The following ZNF184 variants were observed in gnomAD, a reference collection of about 807,000 sequenced individuals.
ZNF184 encodes zinc finger protein 184 (Kruppel-like).
ZNF184 carries 16 observed loss-of-function variants against 54.4 expected under a neutral mutation model. That is an observed-to-expected ratio of 0.29 (90% CI 0.20 to 0.45). The LOEUF (loss-of-function observed/expected upper bound fraction) is 0.45, where lower values mean the gene tolerates loss of function less well. ZNF184 is among the 20% of genes least tolerant of loss of function. ZNF184 has a pLI of 1.00. For synonymous variants in ZNF184, 254 were observed against 295.3 expected (o/e 0.86, Z 1.43); for missense variants, 681 against 888.2 (o/e 0.77, Z 2.97).
chr6:27,429,098 T>C, the ZNF184 span, among the ~76,000 whole-genome samples: 1 of 152,206 alleles, frequency 6.6e-6, no homozygotes, highest in Admixed American at 6.5e-5. Context: ...AGCTAAGTCA[T>C]AAAAGGTGTT....
At chr6:27,427,127 A>AAAC in the ZNF184 span, among the ~76,000 whole-genome samples, 1 of 151,618 alleles carries the variant, frequency 6.6e-6, no homozygotes. Flanking sequence ...AAAAAAAAAA[A>AAAC]AAAAAAAAAC....
the ZNF184 span, among the ~76,000 whole-genome samples, chr6:27,438,039 C>T: frequency 6.6e-6 from 1 of 152,302 alleles, no homozygotes; most frequent in East Asian, 1.9e-4. Context: ...CATAAACCTT[C>T]AAACCTTTTA....
rs781691214 is a variant in ZNF184, at chr6:27,457,390, T to A, written c.95A>T (p.Asp32Val). 1 of 1,613,824 alleles carries A rather than the reference T, an allele frequency of 6.2e-7. No individual in the cohort carries two copies. Among genetic ancestry groups the A allele is most frequent in the Non-Finnish European group, 8.5e-7 (1 of 1,179,894 alleles). Residue 32 changes from aspartate to valine, a missense_variant, in exon 4 of 6, where the codon GAT (aspartate) becomes GTT (valine). Coordinates refer to ENST00000683788, the MANE Select transcript of ZNF184 (RefSeq NM_001318891.2). ...TTCCTGGGTAAAGTCCACTATCACATCCTTGAAAGTCACCGCTTCCTGAAA... is the reference window on the plus strand; with the variant it reads ...TTCCTGGGTAAAGTCCACTATCACAACCTTGAAAGTCACCGCTTCCTGAAA... ...ASFQEAVTFK[D>V]VIVDFTQEEW...
At chr6:27,415,506 G>A in the ZNF184 span, among the ~76,000 whole-genome samples, 1 of 152,160 alleles carries the variant, frequency 6.6e-6, no homozygotes, top group Non-Finnish European at 1.5e-5. Flanking sequence ...TGGTATAAGA[G>A]TTTAGTATAT....
chr6:27,463,915 A>AT (rs1007211692), intron 3 of ZNF184, among the ~76,000 whole-genome samples: 1 of 86,058 alleles, frequency 1.2e-5, no homozygotes, highest in Non-Finnish European at 3.0e-5. Flanking sequence ...CTTCGACCAG[A>AT]TTAAAAAAAA....
rs1763250375 is a variant in ZNF184 at position 27,470,556 on chromosome 6, TGA to T, written c.7+1730_7+1731del. Among the ~76,000 whole-genome samples the T allele has an allele frequency of 2.6e-5, 4 of 152,212 alleles. No homozygotes were observed. The East Asian group carries it at 7.7e-4, about 29-fold the overall frequency. On this transcript the variant is annotated intron_variant, in intron 2 of 5. Coordinates refer to ENST00000683788, the MANE Select transcript of ZNF184 (RefSeq NM_001318891.2). ...TGTAACAGAAGTCTTAAGAAAAAAA[TGA>T]AGATATTATCTTGGAAGCTCTTAAC...
the ZNF184 span, among the ~76,000 whole-genome samples, chr6:27,431,913 A>C: frequency 1.3e-5 from 2 of 152,208 alleles, no homozygotes; most frequent in Non-Finnish European, 2.9e-5. Context: ...TAAAGGAGTA[A>C]GAAGGTTTAT....
the ZNF184 span, among the ~76,000 whole-genome samples, chr6:27,440,828 C>T: frequency 6.6e-6 from 1 of 151,882 alleles, no homozygotes; most frequent in African/African-American, 2.4e-5. Context: ...ACGGTGAAAC[C>T]CCGTCTCTAA....
chr6:27,445,799 T>C (rs1762630343), downstream of ZNF184, among the ~76,000 whole-genome samples: 2 of 151,240 alleles, frequency 1.3e-5, no homozygotes, highest in African/African-American at 4.9e-5. Flanking sequence ...GAGCAAGGTA[T>C]TGGAAACTAG....
intron 2 of ZNF184, 53 bp from the exon 3 acceptor site, chr6:27,467,973 G>A: frequency 7.3e-7 from 1 of 1,373,856 alleles, no homozygotes; most frequent in Non-Finnish European, 1.0e-6. Context: ...GCCATTCCCA[G>A]CAATCCATAA....
chr6:27,433,405 T>C, the ZNF184 span, among the ~76,000 whole-genome samples: 1 of 152,230 alleles, frequency 6.6e-6, no homozygotes. Flanking sequence ...TACAATTCAG[T>C]GGCATTAAGT....
chr6:27,424,475 A>T, the ZNF184 span, among the ~76,000 whole-genome samples: 1 of 152,094 alleles, frequency 6.6e-6, no homozygotes, highest in Non-Finnish European at 1.5e-5. Flanking sequence ...CAGGGCGCTG[A>T]TTGGTGCGTT....
At chr6:27,422,957 T>C in the ZNF184 span, among the ~76,000 whole-genome samples, 2,295 of 152,260 alleles carry the variant, frequency 0.015, 33 homozygotes, top group African/African-American at 0.039. Context: ...CGCATCCCCT[T>C]TAATAGCAGG....
At chr6:27,447,296 A>G (rs1336415890), downstream of ZNF184, among the ~76,000 whole-genome samples, 1 of 151,084 alleles carries the variant, frequency 6.6e-6, no homozygotes. Context: ...TGTATTTTCT[A>G]TGTGAGAAGA....
chr6:27,458,297 A>T (rs1451247855), intron 3 of ZNF184, among the ~76,000 whole-genome samples: 2 of 18,962 alleles, frequency 1.1e-4, no homozygotes, highest in East Asian at 1.0e-3. Context: ...CTGCACAGTA[A>T]AAAAAAAAAA....
At position 27,467,743 on chromosome 6, in the gene ZNF184, G is replaced by A. The variant is rs78108588; in HGVS notation, c.75+110C>T. ...CGGTTACTAGACAGATGAGAGCCCA[G>A]AATGAACTGCCAACATTGATTTTTG... On this transcript the variant is annotated intron_variant, in intron 3 of 5. Transcript: ENST00000683788. 490 of 1,038,756 alleles carry A rather than the reference G, an allele frequency of 4.7e-4. 1 individual carries two copies. The African/African-American group carries it at 7.2e-3, about 15-fold the overall frequency. The allele number at this position is 1,038,756 out of a possible 1,614,324, so 64.3% of individuals were successfully genotyped here.
chr6:27,457,694 T>C (rs183155479), intron 3 of ZNF184, among the ~76,000 whole-genome samples: 248 of 152,336 alleles, frequency 1.6e-3, no homozygotes, highest in African/African-American at 5.7e-3. Context: ...ATTACCATCA[T>C]CATCTCTGTG....
downstream of ZNF184, among the ~76,000 whole-genome samples, chr6:27,446,114 G>T (rs140440452): frequency 8.8e-4 from 134 of 152,340 alleles, no homozygotes; most frequent in South Asian, 4.1e-3. Flanking sequence ...CTAAGTGTGT[G>T]GCTAAGTGAC....
At chr6:27,447,300 GAGA>G (rs146690087), downstream of ZNF184, among the ~76,000 whole-genome samples, 5,505 of 152,152 alleles carry the variant, frequency 0.036, 311 homozygotes, top group African/African-American at 0.12. Context: ...TTTTCTATGT[GAGA>G]AGAACATGAG....
Sources: gnomAD v4.1 joint callset for allele counts (sites outside exome capture counted in the v4.1 genomes callset) on GRCh38, gnomAD v4.1.1 for gene constraint, MANE v1.5 for transcripts, NCBI Gene and HGNC (gene_info 2026-07-23, HGNC 2026-07-21) for gene names.